Variants in CFAP299 observed in about 807,000 individuals in gnomAD.
CFAP299 encodes the protein cilia and flagella associated protein 299.
A neutral mutation model predicts 27.0 loss-of-function variants in CFAP299; 21 were observed. The ratio of observed to expected loss-of-function variants is 0.78; its 90% CI spans 0.55 to 1.12. CFAP299 has a LOEUF of 1.12. CFAP299 is among the 50% of genes most tolerant of loss of function. The pLI is 0.00. For synonymous variants in CFAP299, 104 were observed against 98.1 expected (o/e 1.06, Z -0.36); for missense variants, 310 against 276.6 (o/e 1.12, Z -0.86).
At chr4:80,355,960 A>G (rs755851211) in intron 1 of CFAP299, among the ~76,000 whole-genome samples, 2 of 152,054 alleles carry the variant, frequency 1.3e-5, no homozygotes, top group African/African-American at 4.8e-5. Flanking sequence ...TAGGGTTGTT[A>G]TAGTTTTGGG....
intron 2 of CFAP299, among the ~76,000 whole-genome samples, chr4:80,378,426 G>A (rs1578373493): frequency 6.6e-6 from 1 of 151,030 alleles, no homozygotes; most frequent in East Asian, 1.9e-4. Flanking sequence ...ATTCTTTAAT[G>A]CACTGCATGA....
At chr4:80,673,283 G>A (rs1741612642) in intron 3 of CFAP299, among the ~76,000 whole-genome samples, 1 of 152,126 alleles carries the variant, frequency 6.6e-6, no homozygotes, top group Non-Finnish European at 1.5e-5. Context: ...TAGTCACTCA[G>A]GAGCAGGTTG....
chr4:80,569,106 C>A (rs775387572), intron 2 of CFAP299, among the ~76,000 whole-genome samples: 7 of 152,030 alleles, frequency 4.6e-5, no homozygotes, highest in African/African-American at 9.7e-5. Flanking sequence ...CTTCCTACTC[C>A]GTCATTGTGG....
intron 2 of CFAP299, among the ~76,000 whole-genome samples, chr4:80,478,352 A>AT (rs1553926417): frequency 5.9e-5 from 9 of 151,952 alleles, no homozygotes; most frequent in African/African-American, 2.2e-4. Context: ...TTATTTTATA[A>AT]TTTTTTTGTT....
intron 2 of CFAP299, among the ~76,000 whole-genome samples, chr4:80,531,200 T>C (rs1187890872): frequency 6.6e-6 from 1 of 152,142 alleles, no homozygotes; most frequent in Non-Finnish European, 1.5e-5. Flanking sequence ...ATTCCAGGCA[T>C]ATTTTGAAAA....
intron 5 of CFAP299, among the ~76,000 whole-genome samples, chr4:80,955,328 C>G (rs555224464): frequency 2.2e-4 from 33 of 152,272 alleles, no homozygotes; most frequent in Non-Finnish European, 3.8e-4. Flanking sequence ...CCCTTTTGAG[C>G]ACTTCACCTC....
chr4:80,458,923 G>C (rs1025409589), intron 2 of CFAP299, among the ~76,000 whole-genome samples: 4 of 151,934 alleles, frequency 2.6e-5, no homozygotes, highest in South Asian at 2.1e-4. Flanking sequence ...CAGCAAGCCT[G>C]GTTGAGACAA....
At chr4:80,701,284 C>T (rs1721463124) in intron 3 of CFAP299, among the ~76,000 whole-genome samples, 1 of 151,932 alleles carries the variant, frequency 6.6e-6, no homozygotes, top group Non-Finnish European at 1.5e-5. Flanking sequence ...AAACAGATTT[C>T]TCATAGCTCT....
In CFAP299 at chr4:80,838,529, C is replaced by T. The variant is rs1013444105; in HGVS notation, c.334-31464C>T. 3.3e-5 allele frequency among the ~76,000 whole-genome samples: 5 copies of T among 152,164 alleles called. No homozygotes were observed. In the South Asian group the frequency reaches 6.2e-4, roughly 19 times the overall value. On this transcript the variant is annotated intron_variant, in intron 3 of 5. Coordinates refer to ENST00000358105, the MANE Select transcript of CFAP299 (RefSeq NM_152770.3). ...TTATGAAATAGGGACTCCTTTCCCC[C>T]ATTGCTTGCTTTTTGTCAGGTTTGT...
chr4:80,461,792 A>G (rs1560577889), intron 2 of CFAP299, among the ~76,000 whole-genome samples: 1 of 152,046 alleles, frequency 6.6e-6, no homozygotes. Context: ...CATTTTCTTC[A>G]ATTATTATTT....
chr4:80,696,464 G>T (rs1185822537), intron 3 of CFAP299, among the ~76,000 whole-genome samples: 2 of 152,032 alleles, frequency 1.3e-5, no homozygotes, highest in African/African-American at 4.8e-5. Context: ...AAAAGTGATA[G>T]ATGGCAATCA....
At chr4:80,465,758 A>G (rs1729669277) in intron 2 of CFAP299, among the ~76,000 whole-genome samples, 1 of 152,216 alleles carries the variant, frequency 6.6e-6, no homozygotes, top group Non-Finnish European at 1.5e-5. Flanking sequence ...AGGAATCACA[A>G]ACTTCCAACA....
intron 2 of CFAP299, among the ~76,000 whole-genome samples, chr4:80,549,318 G>T (rs910294064): frequency 5.3e-5 from 8 of 152,076 alleles, no homozygotes; most frequent in African/African-American, 1.9e-4. Flanking sequence ...TGGGAGAAAT[G>T]ATAGAAGAAA....
chr4:80,689,284 G>T (rs1476005529), intron 3 of CFAP299, among the ~76,000 whole-genome samples: 1 of 152,068 alleles, frequency 6.6e-6, no homozygotes, highest in East Asian at 1.9e-4. Context: ...GTTAAGGGCA[G>T]CCAGAGAGAA....
intron 3 of CFAP299, among the ~76,000 whole-genome samples, chr4:80,684,274 T>G (rs541222883): frequency 3.4e-4 from 50 of 148,548 alleles, no homozygotes; most frequent in Middle Eastern, 3.5e-3. Flanking sequence ...TTCTTTTTTT[T>G]GGGGGGGGGG....
chr4:80,407,614 G>T (rs1471545514), intron 2 of CFAP299, among the ~76,000 whole-genome samples: 1 of 152,178 alleles, frequency 6.6e-6, no homozygotes, highest in East Asian at 1.9e-4. Context: ...CAAGTCACAA[G>T]GCTAGCCCTG....
chr4:80,536,953 A>G (rs1292882826), intron 2 of CFAP299, among the ~76,000 whole-genome samples: 3 of 152,082 alleles, frequency 2.0e-5, no homozygotes, highest in Non-Finnish European at 4.4e-5. Context: ...TGCAAACCAT[A>G]CATCTGACAA....
chr4:80,799,787 TATATTATATTATATAATATATAAATA>T (rs1728233106), intron 3 of CFAP299, among the ~76,000 whole-genome samples: 3 of 44,112 alleles, frequency 6.8e-5, no homozygotes, highest in African/African-American at 2.8e-4. Context: ...ATATATATTA[TATATTATATTATATAATATATAAATA>T]TATATATTAT....
At chr4:80,750,702 C>G (rs1219968575) in intron 3 of CFAP299, among the ~76,000 whole-genome samples, 1 of 152,164 alleles carries the variant, frequency 6.6e-6, no homozygotes. Flanking sequence ...CTAGTTTGAT[C>G]ATGTGGTGAA....
Sources: gnomAD v4.1 joint callset for allele counts (sites outside exome capture counted in the v4.1 genomes callset) on GRCh38, gnomAD v4.1.1 for gene constraint, MANE v1.5 for transcripts, NCBI Gene and HGNC (gene_info 2026-07-23, HGNC 2026-07-21) for gene names.